PHACTR2: variants seen among roughly 807,000 people sequenced by gnomAD.
PHACTR2 encodes chromosome 6 open reading frame 56.
PHACTR2 carries 30 observed loss-of-function variants against 76.0 expected under a neutral mutation model. That is an observed-to-expected ratio of 0.39 (90% CI 0.30 to 0.54). The LOEUF is 0.54. Ranked by LOEUF, PHACTR2 falls within the 20% of genes least tolerant of loss-of-function variation. PHACTR2 has a pLI of 0.61. For synonymous variants in PHACTR2, 292 were observed against 292.5 expected (o/e 1.00, Z 0.02); for missense variants, 696 against 781.1 (o/e 0.89, Z 1.30).
rs920863851 is a variant in PHACTR2, at chr6:143,561,678, C to T, written c.217+24471C>T. On this transcript the variant is annotated intron_variant, in intron 1 of 11. Transcript: ENST00000367584. The surrounding 1 kb of genome is among the most constrained non-coding windows in gnomAD (Gnocchi z 4.1). Reference sequence around the variant, plus strand: ...AGTGGTGAGAGGAGTCAAGTTACCACGTGACCTTGAATGAAAGACGTTTGA... The same window carrying T: ...AGTGGTGAGAGGAGTCAAGTTACCATGTGACCTTGAATGAAAGACGTTTGA... 5.9e-5 allele frequency among the ~76,000 whole-genome samples: 9 copies of T among 152,140 alleles called. No individual in the cohort carries two copies. In the South Asian group the frequency reaches 6.2e-4, roughly 11 times the overall value.
At position 143,627,587 on chromosome 6, in the gene PHACTR2, G is replaced by A. The variant is rs1440825493; in HGVS notation, c.13+19265G>A. 6.8e-6 allele frequency among the ~76,000 whole-genome samples: 1 copy of A among 147,108 alleles called. No individual in the cohort carries two copies. The highest frequency in any genetic ancestry group is 1.5e-5 in the Non-Finnish European group (1 of 67,212). ...CAGTGGCATTCAGTACATTCACAAT[G>A]TTGTACAACCACCACTTCCTTTTTT... On this transcript the variant is annotated intron_variant, in intron 1 of 11. Coordinates refer to the PHACTR2 transcript ENST00000305766. The surrounding 1 kb of genome is among the most constrained non-coding windows in gnomAD (Gnocchi z 4.3).
At chr6:143,701,297 C>A (rs1020386374) in intron 1 of PHACTR2, among the ~76,000 whole-genome samples, 2 of 151,996 alleles carry the variant, frequency 1.3e-5, no homozygotes, top group Non-Finnish European at 1.5e-5. Flanking sequence ...ATAATGTCTG[C>A]CTCTGTTAAA....
intron 9 of PHACTR2, among the ~76,000 whole-genome samples, chr6:143,781,822 TTGAC>T (rs1465990793): frequency 6.6e-6 from 1 of 152,250 alleles, no homozygotes; most frequent in African/African-American, 2.4e-5. Flanking sequence ...CCAAATTTGT[TTGAC>T]TGGCACAAAA....
At chr6:143,606,876 AG>A (rs1330769342), upstream of PHACTR2, among the ~76,000 whole-genome samples, 1 of 152,252 alleles carries the variant, frequency 6.6e-6, no homozygotes, top group African/African-American at 2.4e-5. Context: ...TAAAAATCTC[AG>A]GTTAAAAATC....
rs1779500887 is a variant in PHACTR2, at chr6:143,764,160, AT to A, written c.695-1098del. Among the ~76,000 whole-genome samples, 1 of 152,228 alleles carries A rather than the reference AT, an allele frequency of 6.6e-6. No individual in the cohort carries two copies. Among genetic ancestry groups the A allele is most frequent in the African/African-American group, 2.4e-5 (1 of 41,450 alleles). Reference sequence around the variant, plus strand: ...GAACTTAAGCATTAAGGAAGATCACATTTGCGAAGGTGGAGTCAGAAGACCT... The same window carrying A: ...GAACTTAAGCATTAAGGAAGATCACATTGCGAAGGTGGAGTCAGAAGACCT... On this transcript the variant is annotated intron_variant, in intron 5 of 12. Coordinates refer to ENST00000440869, the MANE Select transcript of PHACTR2 (RefSeq NM_001100164.2). This position sits in a 1 kb window ranked among gnomAD's most constrained non-coding sequence, Gnocchi z 4.7.
rs1776086097 is a variant in PHACTR2, at chr6:143,807,260, A to C, written c.1922+127A>C. 2 of 608,806 alleles carry C rather than the reference A, an allele frequency of 3.3e-6. No homozygotes were observed. The highest frequency in any genetic ancestry group is 5.9e-6 in the Non-Finnish European group (2 of 341,118). 37.7% of individuals were successfully genotyped at this position (608,806 alleles called of 1,614,324 possible). Reference sequence around the variant, plus strand: ...TAGGTATATTTCATCACAATTAAAAAATGTTTTTAAACAGTTTAGCTTAAA... The same window carrying C: ...TAGGTATATTTCATCACAATTAAAACATGTTTTTAAACAGTTTAGCTTAAA... On this transcript the variant is annotated intron_variant, in intron 12 of 12. Coordinates refer to ENST00000440869, the MANE Select transcript of PHACTR2 (RefSeq NM_001100164.2). This position sits in a 1 kb window ranked among gnomAD's most constrained non-coding sequence, Gnocchi z 5.5.
intron 1 of PHACTR2, among the ~76,000 whole-genome samples, chr6:143,622,341 C>G (rs558605753): frequency 6.6e-6 from 1 of 152,304 alleles, no homozygotes; most frequent in South Asian, 2.1e-4. Flanking sequence ...CAGACTCTTC[C>G]TCTCATCCCA....
rs1480756955 is a variant in PHACTR2, at chr6:143,547,669, C to G, written c.217+10462C>G. Among the ~76,000 whole-genome samples the G allele has an allele frequency of 6.6e-6, 1 of 152,214 alleles. No individual in the cohort carries two copies. Among genetic ancestry groups the G allele is most frequent in the Non-Finnish European group, 1.5e-5 (1 of 68,038 alleles). On this transcript the variant is annotated intron_variant, in intron 1 of 11. Coordinates refer to the PHACTR2 transcript ENST00000367584. This position sits in a 1 kb window ranked among gnomAD's most constrained non-coding sequence, Gnocchi z 4.2. ...AAATTTCTATAGTTAGCAATAGAGA[C>G]TCCCTTCTTCGAATGAAGGAAAAGG...
In PHACTR2 at chr6:143,684,304, T is replaced by A. The variant is rs1777464382; in HGVS notation, c.46+6095T>A. 6.6e-6 allele frequency among the ~76,000 whole-genome samples: 1 copy of A among 152,206 alleles called. No individual in the cohort carries two copies. The highest frequency in any genetic ancestry group is 2.4e-5 in the African/African-American group (1 of 41,466). ...TGACTTTCTACATTTCACCAAATGATACCCCAACCACTCACTTATTCTAGC... is the reference window on the plus strand; with the variant it reads ...TGACTTTCTACATTTCACCAAATGAAACCCCAACCACTCACTTATTCTAGC... On this transcript the variant is annotated intron_variant, in intron 1 of 12. Transcript: ENST00000440869. This position sits in a 1 kb window ranked among gnomAD's most constrained non-coding sequence, Gnocchi z 4.3.
chr6:143,793,453 C>G lies in PHACTR2; in HGVS notation c.1845+4543C>G, dbSNP rs938815174. ...CCCAGAGCACAGCCACTGCCCCTCT[C>G]TCCTCACACATGGGCCTCATTTTCT... On this transcript the variant is annotated intron_variant, in intron 11 of 12. Coordinates refer to ENST00000440869, the MANE Select transcript of PHACTR2 (RefSeq NM_001100164.2). This position sits in a 1 kb window ranked among gnomAD's most constrained non-coding sequence, Gnocchi z 4.4. Among the ~76,000 whole-genome samples the G allele has an allele frequency of 6.6e-6, 1 of 152,156 alleles. No individual in the cohort carries two copies. Among genetic ancestry groups the G allele is most frequent in the African/African-American group, 2.4e-5 (1 of 41,452 alleles).
At position 143,578,014 on chromosome 6, in the gene PHACTR2, AT is replaced by A. The variant is rs1775532800; in HGVS notation, c.217+40808del. Among the ~76,000 whole-genome samples the A allele has an allele frequency of 6.6e-6, 1 of 152,200 alleles. No homozygotes were observed. Among genetic ancestry groups the A allele is most frequent in the Non-Finnish European group, 1.5e-5 (1 of 68,044 alleles). On this transcript the variant is annotated intron_variant, in intron 1 of 11. Coordinates refer to the PHACTR2 transcript ENST00000367584. This position sits in a 1 kb window ranked among gnomAD's most constrained non-coding sequence, Gnocchi z 4.5. ...GTCTAAATCTGGTCCAAGACACTCT[AT>A]CCCCCGTTCGTTTGCCAACACCTGT... is the stretch of plus-strand genomic sequence containing the variant.
At chr6:143,712,317 G>A (rs1353147970) in intron 2 of PHACTR2, 134 bp downstream of exon 2, 10 of 526,150 alleles carry the variant, frequency 1.9e-5, no homozygotes, top group Non-Finnish European at 2.7e-5. Flanking sequence ...TTTATTTTAA[G>A]AATAAAATAA....
chr6:143,750,793 A>C lies in PHACTR2; in HGVS notation c.295+1728A>C, dbSNP rs1779167475. ...TATTTAACTTTTCCAGTGGAAACTA[A>C]AAGTTTTAAAACATAAAAGAACAAA... On this transcript the variant is annotated intron_variant, in intron 3 of 12. Transcript: ENST00000440869. The surrounding 1 kb of genome is among the most constrained non-coding windows in gnomAD (Gnocchi z 4.6). Among the ~76,000 whole-genome samples, 1 of 152,242 alleles carries C rather than the reference A, an allele frequency of 6.6e-6. No homozygotes were observed. The highest frequency in any genetic ancestry group is 2.4e-5 in the African/African-American group (1 of 41,460).
chr6:143,590,396 T>C (rs1310877180), intron 1 of PHACTR2, among the ~76,000 whole-genome samples: 3 of 152,118 alleles, frequency 2.0e-5, no homozygotes, highest in Non-Finnish European at 4.4e-5. Flanking sequence ...ACTTCAAATG[T>C]GCTTTTGCAG....
chr6:143,790,040 A>G (rs1376379447), intron 11 of PHACTR2, among the ~76,000 whole-genome samples: 1 of 152,172 alleles, frequency 6.6e-6, no homozygotes, highest in Non-Finnish European at 1.5e-5. Context: ...TGTGTCAGGG[A>G]GGACGGACGG....
upstream of PHACTR2, among the ~76,000 whole-genome samples, chr6:143,605,434 G>A (rs1775859186): frequency 6.6e-6 from 1 of 152,220 alleles, no homozygotes; most frequent in Non-Finnish European, 1.5e-5. The surrounding 1 kb of genome is among the most constrained non-coding windows in gnomAD (Gnocchi z 5.0). Context: ...CATATTAATT[G>A]TGGGTGTGAA....
Position 143,760,346 on chromosome 6 carries a change from G to GT in PHACTR2, c.455-52dup, listed in dbSNP as rs1779405755. On this transcript the variant is annotated intron_variant, in intron 4 of 12. Transcript: ENST00000440869. The surrounding 1 kb of genome is among the most constrained non-coding windows in gnomAD (Gnocchi z 6.4). Reference sequence around the variant, plus strand: ...ACTATCGTCATGTCTTGCTCCTTGTGTTTATATGGTGTGTGTCTGTATCAG... The same window carrying GT: ...ACTATCGTCATGTCTTGCTCCTTGTGTTTTATATGGTGTGTGTCTGTATCAG... 1 of 1,526,046 alleles carries GT rather than the reference G, an allele frequency of 6.6e-7. No homozygotes were observed. Among genetic ancestry groups the GT allele is most frequent in the African/African-American group, 1.4e-5 (1 of 72,150 alleles). The allele number at this position is 1,526,046 out of a possible 1,614,324, so 94.5% of individuals were successfully genotyped here.
In PHACTR2 at chr6:143,774,272, A is replaced by G; in HGVS notation, c.1589+57A>G. ...TAATTTGTATTTTTCTCCCTCCCAA[A>G]GCTTCCTACCTAACTGGGGTCATTG... is the stretch of plus-strand genomic sequence containing the variant. On this transcript the variant is annotated intron_variant, in intron 8 of 12. Coordinates refer to ENST00000440869, the MANE Select transcript of PHACTR2 (RefSeq NM_001100164.2). This position sits in a 1 kb window ranked among gnomAD's most constrained non-coding sequence, Gnocchi z 5.4. 1 of 1,413,184 alleles carries G rather than the reference A, an allele frequency of 7.1e-7. No homozygotes were observed. Among genetic ancestry groups the G allele is most frequent in the Non-Finnish European group, 9.9e-7 (1 of 1,007,676 alleles). 87.5% of individuals were successfully genotyped at this position (1,413,184 alleles called of 1,614,324 possible).
At chr6:143,614,399 C>T (rs538821418) in intron 1 of PHACTR2, among the ~76,000 whole-genome samples, 13 of 152,162 alleles carry the variant, frequency 8.5e-5, no homozygotes, top group Non-Finnish European at 1.3e-4. Context: ...CTGTTAAGAT[C>T]CCTTCATTCA....
Sources: gnomAD v4.1 joint callset for allele counts (sites outside exome capture counted in the v4.1 genomes callset) on GRCh38, gnomAD v4.1.1 for gene constraint, Gnocchi (gnomAD v3.1) non-coding constraint, MANE v1.5 for transcripts, NCBI Gene and HGNC (gene_info 2026-07-23, HGNC 2026-07-21) for gene names.